NCAPD3: variants seen among roughly 807,000 people sequenced by gnomAD.
NCAPD3 encodes the protein non-SMC condensin II complex subunit D3.
NCAPD3 carries 105 observed loss-of-function variants against 182.9 expected under a neutral mutation model. That is an observed-to-expected ratio of 0.57 (90% CI 0.49 to 0.68). The LOEUF is 0.68. NCAPD3 is among the 30% of genes least tolerant of loss of function. The pLI is 0.00. For missense variants in NCAPD3, 1,944 were observed against 1,837.0 expected (o/e 1.06, Z -1.07); for synonymous variants, 815 against 679.9 (o/e 1.20, Z -3.09).
At chr11:134,165,075 ACACT>A (rs1457408333) in intron 27 of NCAPD3, among the ~76,000 whole-genome samples, 9 of 150,088 alleles carry the variant, frequency 6.0e-5, no homozygotes, top group South Asian at 2.1e-4. Flanking sequence ...GGGGAGCGGC[ACACT>A]CACTTGTGAA....
chr11:134,197,128 C>T lies in NCAPD3; in HGVS notation c.1616-2390G>A, dbSNP rs186779956. On this transcript the variant is annotated intron_variant, in intron 13 of 34. Coordinates refer to ENST00000534548, the MANE Select transcript of NCAPD3 (RefSeq NM_015261.3). ...TTTCTCCTGCTCCCACCATGTGAAA[C>T]GCCTGTTCCCTTTTGGCTTTCTGCT... Among the ~76,000 whole-genome samples the T allele has an allele frequency of 1.9e-3, 287 of 152,236 alleles. 2 individuals carry two copies. Among genetic ancestry groups the T allele is most frequent in the African/African-American group, 6.8e-3 (281 of 41,528 alleles).
intron 1 of NCAPD3, chr11:134,223,596 G>A (rs1239682665): frequency 1.5e-5 from 10 of 668,906 alleles, no homozygotes; most frequent in African/African-American, 3.5e-5. Context: ...AGGAAGAAGG[G>A]GAAGGCCGAG....
At chr11:134,176,161 C>G (rs1387629481) in intron 24 of NCAPD3, 146 bp downstream of exon 24, 3 of 640,446 alleles carry the variant, frequency 4.7e-6, no homozygotes, top group Non-Finnish European at 8.2e-6. Flanking sequence ...TGCTTAGCAT[C>G]TTAAAAATCT....
At chr11:134,200,142 C>G (rs887755360) in intron 13 of NCAPD3, among the ~76,000 whole-genome samples, 1 of 152,056 alleles carries the variant, frequency 6.6e-6, no homozygotes, top group Admixed American at 6.6e-5. Flanking sequence ...AACTATAAAA[C>G]CCTTAGAAGA....
rs907281375 is a variant in NCAPD3, at chr11:134,157,813, G to T, written c.4174+115C>A. 155 of 1,170,842 alleles carry T rather than the reference G, an allele frequency of 1.3e-4. 1 individual carries two copies. The highest frequency in any genetic ancestry group is 1.3e-5 in the Non-Finnish European group (11 of 845,986). The allele number at this position is 1,170,842 out of a possible 1,614,324, so 72.5% of individuals were successfully genotyped here. A position where few individuals can be genotyped will look rare whatever the true frequency, so the allele number is the denominator to read the frequency against. On this transcript the variant is annotated intron_variant, in intron 31 of 34. Coordinates refer to ENST00000534548, the MANE Select transcript of NCAPD3 (RefSeq NM_015261.3). The stretch of plus-strand genomic sequence containing the variant: ...CCATGATCCTAAAAGCCCAATTAAC[G>T]TTATTTGTTTTAAAGATAAGAAAAC...
chr11:134,178,918 A>C lies in NCAPD3; in HGVS notation c.2578T>G (p.Leu860Val). 1 of 1,613,742 alleles carries C rather than the reference A, an allele frequency of 6.2e-7. No individual in the cohort carries two copies. Among genetic ancestry groups the C allele is most frequent in the Non-Finnish European group, 8.5e-7 (1 of 1,179,698 alleles). ...GGACACAGCTGGGCTATATCCCCTA[A>C]GGTAAAAATGTACTTCACCTACAAA... Reference protein sequence around the residue: ...EDLLVKYIFTLGDIAQLCPAR... With the variant: ...EDLLVKYIFTVGDIAQLCPAR... The change falls in exon 21 of 35, where the codon TTA becomes GTA. Residue 860 changes from leucine to valine, a missense_variant. Leu to Val is a conservative substitution (Grantham distance 32). Coordinates refer to ENST00000534548, the MANE Select transcript of NCAPD3 (RefSeq NM_015261.3).
At chr11:134,208,397 T>C (rs1256771887) in intron 7 of NCAPD3, among the ~76,000 whole-genome samples, 2 of 152,300 alleles carry the variant, frequency 1.3e-5, no homozygotes, top group Non-Finnish European at 2.9e-5. Context: ...ACCTACAAAA[T>C]TTCCATAGCA....
chr11:134,164,287 AGAG>A (rs1412292714), intron 27 of NCAPD3, among the ~76,000 whole-genome samples: 1 of 152,226 alleles, frequency 6.6e-6, no homozygotes, highest in East Asian at 1.9e-4. Flanking sequence ...TGTGGGAGAA[AGAG>A]GAGATGAAGA....
At chr11:134,195,859 T>C (rs1944616616) in intron 13 of NCAPD3, among the ~76,000 whole-genome samples, 1 of 152,190 alleles carries the variant, frequency 6.6e-6, no homozygotes, top group Non-Finnish European at 1.5e-5. Flanking sequence ...ATTTGATAAG[T>C]CATGGGACCA....
At chr11:134,156,783 G>T in intron 32 of NCAPD3, 1 of 386,874 alleles carries the variant, frequency 2.6e-6, no homozygotes, top group South Asian at 5.6e-5. Context: ...TGCTCCGCGG[G>T]CCACTGTGGT....
intron 3 of NCAPD3, among the ~76,000 whole-genome samples, chr11:134,216,573 AAGCAATGACTCCCCAC>A (rs1312188456): frequency 1.3e-5 from 2 of 152,226 alleles, no homozygotes; most frequent in Non-Finnish European, 1.5e-5. Flanking sequence ...GAGAGGTAAA[AAGCAATGACTCCCCAC>A]AGCAGTATTT....
intron 13 of NCAPD3, among the ~76,000 whole-genome samples, chr11:134,197,050 A>G (rs1481730821): frequency 1.3e-5 from 2 of 152,040 alleles, no homozygotes; most frequent in Non-Finnish European, 2.9e-5. Context: ...ATACTGAGTG[A>G]GTTCTTGTGA....
rs368482359 is a variant in NCAPD3 at position 134,203,847 on chromosome 11, T to C, written c.1275A>G (p.Arg425=). Residue 425 remains arginine (R), a synonymous_variant, in exon 11 of 35, where the codon AGA becomes AGG. Transcript: ENST00000534548. ...VVLALLELPE[R]EVDNTLSLEH... is the part of the protein sequence containing the mutation. ...CCAAGGAGAGGGTGTTATCCACCTC[T>C]CTTTCAGGCAGTTCTAACAGAGCTA... 229 of 1,614,178 alleles carry C rather than the reference T, an allele frequency of 1.4e-4. No homozygotes were observed. Among genetic ancestry groups the C allele is most frequent in the Non-Finnish European group, 1.8e-4 (216 of 1,180,016 alleles).
At chr11:134,156,405 A>C (rs922007014) in intron 32 of NCAPD3, among the ~76,000 whole-genome samples, 4 of 152,222 alleles carry the variant, frequency 2.6e-5, no homozygotes, top group Non-Finnish European at 4.4e-5. Context: ...TCTTCCTGTA[A>C]GAGTTTTCTC....
At chr11:134,187,235 T>G (rs1169973685) in intron 16 of NCAPD3, among the ~76,000 whole-genome samples, 1 of 152,238 alleles carries the variant, frequency 6.6e-6, no homozygotes, top group Admixed American at 6.5e-5. Context: ...TACTGACTAC[T>G]CTTGCGCTGA....
intron 27 of NCAPD3, among the ~76,000 whole-genome samples, chr11:134,164,869 CTACA>C (rs578175697): frequency 3.4e-5 from 5 of 146,858 alleles, no homozygotes; most frequent in South Asian, 2.2e-4. Context: ...CTTGAGGGAG[CTACA>C]TACTCACTTG....
chr11:134,163,623 C>T (rs1162251022), intron 27 of NCAPD3, among the ~76,000 whole-genome samples: 1 of 151,016 alleles, frequency 6.6e-6, no homozygotes, highest in Non-Finnish European at 1.5e-5. Context: ...TGGCATGAAC[C>T]CAGGGGGGCA....
At chr11:134,158,307 G>A in intron 30 of NCAPD3, 22 bp downstream of exon 30, 2 of 1,613,438 alleles carry the variant, frequency 1.2e-6, no homozygotes, top group Non-Finnish European at 8.5e-7. Context: ...CAGCCCTGAT[G>A]TGGCCTCCAG....
chr11:134,201,660 G>A (rs186918350), intron 13 of NCAPD3, among the ~76,000 whole-genome samples: 200 of 152,236 alleles, frequency 1.3e-3, no homozygotes, highest in African/African-American at 4.4e-3. Context: ...GGCTCTTTGC[G>A]TCCCCGAACT....
Sources: allele counts gnomAD v4.1 joint callset (sites outside exome capture counted in the v4.1 genomes callset), GRCh38; gene constraint gnomAD v4.1.1; transcripts MANE v1.5; gene names NCBI Gene and HGNC (gene_info 2026-07-23, HGNC 2026-07-21).